UBE3C: variants seen among roughly 807,000 people sequenced by gnomAD.
The protein encoded by UBE3C is ubiquitin protein ligase E3C, also known as ubiquitin-protein ligase E3C.
Under a neutral mutation model 129.4 loss-of-function variants are expected in UBE3C, and 42 were observed. The ratio of observed to expected loss-of-function variants is 0.32; its 90% confidence interval spans 0.25 to 0.42. The LOEUF (loss-of-function observed/expected upper bound fraction) is 0.42, where lower values mean the gene tolerates loss of function less well. Ranked by LOEUF, UBE3C falls within the 10% of genes least tolerant of loss-of-function variation. UBE3C has a pLI of 1.00. For synonymous variants in UBE3C, 510 were observed against 492.4 expected (o/e 1.04, Z -0.47); for missense variants, 1,049 against 1,319.1 (o/e 0.80, Z 3.17).
intron 22 of UBE3C, among the ~76,000 whole-genome samples, chr7:157,263,971 C>G (rs987574137): frequency 4.6e-5 from 7 of 151,998 alleles, no homozygotes; most frequent in African/African-American, 1.7e-4. Flanking sequence ...TAGGGTCTTG[C>G]TCTGTTGCCC....
At chr7:157,190,675 C>A (rs1808935513) in intron 10 of UBE3C, among the ~76,000 whole-genome samples, 1 of 152,152 alleles carries the variant, frequency 6.6e-6, no homozygotes, top group Non-Finnish European at 1.5e-5. Context: ...GAAAATACAA[C>A]CCTGATTATT....
At chr7:157,252,034 G>A (rs1337024022) in intron 19 of UBE3C, among the ~76,000 whole-genome samples, 1 of 152,086 alleles carries the variant, frequency 6.6e-6, no homozygotes, top group African/African-American at 2.4e-5. Flanking sequence ...TACTCGGGAG[G>A]CTGAAGCACA....
chr7:157,227,700 GA>G (rs933090435), intron 17 of UBE3C, among the ~76,000 whole-genome samples: 11 of 144,888 alleles, frequency 7.6e-5, no homozygotes, highest in South Asian at 4.6e-4. Flanking sequence ...CTTCATCTCA[GA>G]AAAAAAAAAG....
intron 21 of UBE3C, among the ~76,000 whole-genome samples, chr7:157,255,292 C>G (rs906392104): frequency 2.0e-5 from 3 of 152,170 alleles, no homozygotes; most frequent in African/African-American, 4.8e-5. Flanking sequence ...ACCCCACATA[C>G]CCACTAGCTG....
intron 1 of UBE3C, among the ~76,000 whole-genome samples, chr7:157,155,895 C>T (rs889077524): frequency 1.3e-5 from 2 of 152,162 alleles, no homozygotes; most frequent in Non-Finnish European, 2.9e-5. Flanking sequence ...TGGCCTCGGT[C>T]GTTTCAGAGA....
chr7:157,143,764 G>A (rs529261018), intron 1 of UBE3C, among the ~76,000 whole-genome samples: 4 of 152,264 alleles, frequency 2.6e-5, no homozygotes, highest in African/African-American at 9.6e-5. Context: ...TGTGGGACAG[G>A]CACAGGAAGG....
At chr7:157,243,376 G>A (rs552329942) in intron 18 of UBE3C, among the ~76,000 whole-genome samples, 3 of 152,338 alleles carry the variant, frequency 2.0e-5, no homozygotes, top group Admixed American at 6.5e-5. Context: ...TGCAGCACCC[G>A]TGTCCTGGTG....
intron 17 of UBE3C, among the ~76,000 whole-genome samples, chr7:157,226,014 A>G (rs545703877): frequency 6.6e-6 from 1 of 152,290 alleles, no homozygotes; most frequent in Admixed American, 6.5e-5. Context: ...TAAAATTGAC[A>G]GTTACTACAA....
intron 1 of UBE3C, among the ~76,000 whole-genome samples, chr7:157,159,519 G>A (rs972172531): frequency 6.6e-6 from 1 of 152,164 alleles, no homozygotes. Context: ...AAGCAAAATG[G>A]CATTTTGGTT....
intron 13 of UBE3C, among the ~76,000 whole-genome samples, chr7:157,210,299 A>C (rs1471957596): frequency 6.6e-6 from 1 of 151,488 alleles, no homozygotes; most frequent in Non-Finnish European, 1.5e-5. Context: ...TTTTTTTTAA[A>C]GGATTTCTGT....
chr7:157,168,773 C>T (rs932466513), intron 2 of UBE3C, among the ~76,000 whole-genome samples: 4 of 152,116 alleles, frequency 2.6e-5, no homozygotes, highest in African/African-American at 9.7e-5. Flanking sequence ...GAGTGATTGC[C>T]AGGGGCAAGA....
At chr7:157,238,831 G>C (rs1430368934) in intron 18 of UBE3C, among the ~76,000 whole-genome samples, 1 of 152,148 alleles carries the variant, frequency 6.6e-6, no homozygotes, top group African/African-American at 2.4e-5. Context: ...ACTAATAGAA[G>C]TTCAGGAGAT....
chr7:157,151,579 C>G (rs1807758196), intron 1 of UBE3C, among the ~76,000 whole-genome samples: 1 of 152,114 alleles, frequency 6.6e-6, no homozygotes, highest in African/African-American at 2.4e-5. Context: ...CTTGGAAATG[C>G]TTAGGTTCCT....
At chr7:157,153,813 C>T (rs981710168) in intron 1 of UBE3C, among the ~76,000 whole-genome samples, 1 of 137,696 alleles carries the variant, frequency 7.3e-6, no homozygotes, top group Non-Finnish European at 1.5e-5. Context: ...CCCGTCTATA[C>T]TAAAAATACA....
At chr7:157,181,395 A>T in intron 6 of UBE3C, 123 bp from the exon 7 acceptor site, 1 of 803,846 alleles carries the variant, frequency 1.2e-6, no homozygotes, top group Non-Finnish European at 1.9e-6. Context: ...CCTTGCTAGC[A>T]TGTTAAAGAA....
chr7:157,254,359 A>G, intron 21 of UBE3C, 49 bp downstream of exon 21: 1 of 1,141,788 alleles, frequency 8.8e-7, no homozygotes, highest in Non-Finnish European at 1.2e-6. Flanking sequence ...GCAGGTGGTC[A>G]TATTTCCAAA....
In UBE3C at chr7:157,186,542, T is replaced by TA. The variant is rs34431702; in HGVS notation, c.1144-281dup. Among the ~76,000 whole-genome samples, 880 of 146,824 alleles carry TA rather than the reference T, an allele frequency of 6.0e-3. 6 individuals carry two copies. Among genetic ancestry groups the TA allele is most frequent in the African/African-American group, 0.014 (575 of 40,306 alleles). ...ATGGTTGTCTTAGTGCAGCTTGATG[T>TA]AAAAAAAAAAAGTAGGAAATGAAGT... On this transcript the variant is annotated intron_variant, in intron 9 of 22. Transcript: ENST00000348165.
chr7:157,193,311 G>A (rs545057316), intron 10 of UBE3C, among the ~76,000 whole-genome samples: 10 of 152,120 alleles, frequency 6.6e-5, no homozygotes, highest in African/African-American at 2.4e-4. Context: ...TATTGCCTTT[G>A]TACTTGTGTG....
intron 11 of UBE3C, among the ~76,000 whole-genome samples, chr7:157,203,644 G>T (rs1415868872): frequency 2.0e-5 from 3 of 151,990 alleles, no homozygotes; most frequent in African/African-American, 2.4e-5. Context: ...AAGAAAAGTG[G>T]GATATTGTTA....
Sources: allele counts gnomAD v4.1 joint callset (sites outside exome capture counted in the v4.1 genomes callset), GRCh38; gene constraint gnomAD v4.1.1; transcripts MANE v1.5; gene names NCBI Gene and HGNC (gene_info 2026-07-23, HGNC 2026-07-21).